Variants in TENM4 observed in about 807,000 individuals in gnomAD.
TENM4 encodes the protein teneurin-4.
A neutral mutation model predicts 243.3 loss-of-function variants in TENM4; 82 were observed. The ratio of observed to expected loss-of-function variants is 0.34; its 90% CI spans 0.28 to 0.40. The LOEUF (loss-of-function observed/expected upper bound fraction) is 0.40. TENM4 is among the 10% of genes least tolerant of loss of function. The probability of loss-of-function intolerance (pLI) is 1.00; values close to 1 mark genes in which losing one functional copy is unlikely to be tolerated. For missense variants in TENM4, 3,138 were observed against 3,673.3 expected (o/e 0.85, Z 3.77); for synonymous variants, 1,412 against 1,456.3 (o/e 0.97, Z 0.69).
intron 2 of TENM4, among the ~76,000 whole-genome samples, chr11:79,235,392 A>AGTGAGAG (rs2135269412): frequency 1.3e-5 from 2 of 152,240 alleles, no homozygotes; most frequent in East Asian, 3.9e-4. Context: ...TAGAGTACAA[A>AGTGAGAG]GTGAGAGATG....
intron 1 of TENM4, among the ~76,000 whole-genome samples, chr11:79,349,262 T>G (rs1857376913): frequency 6.6e-6 from 1 of 152,138 alleles, no homozygotes; most frequent in Non-Finnish European, 1.5e-5. Flanking sequence ...GTTCCACACC[T>G]AGGAAGTCTC....
chr11:79,135,750 C>CAT (rs1862097185), intron 4 of TENM4, among the ~76,000 whole-genome samples: 1 of 81,634 alleles, frequency 1.2e-5, no homozygotes, highest in Admixed American at 1.2e-4. Context: ...ATCATATATA[C>CAT]ATATATGTAT....
At chr11:78,996,437 A>G (rs2136683544) in intron 6 of TENM4, among the ~76,000 whole-genome samples, 1 of 152,362 alleles carries the variant, frequency 6.6e-6, no homozygotes, top group East Asian at 1.9e-4. Context: ...CAAGAGCTCC[A>G]GCCACCATGC....
chr11:79,284,611 G>A (rs554670641), intron 2 of TENM4, among the ~76,000 whole-genome samples: 1 of 152,086 alleles, frequency 6.6e-6, no homozygotes, highest in African/African-American at 2.4e-5. Flanking sequence ...GAGAAAACAG[G>A]AATAAATTCT....
At chr11:78,835,872 G>T (rs75108808) in intron 12 of TENM4, among the ~76,000 whole-genome samples, 4,664 of 152,272 alleles carry the variant, frequency 0.031, 191 homozygotes, top group African/African-American at 0.099. Context: ...GATCCACTAG[G>T]GCAGAGTCCC....
chr11:78,993,149 C>T (rs612300), intron 6 of TENM4, among the ~76,000 whole-genome samples: 144,447 of 152,204 alleles, frequency 0.95, 68,817 homozygotes, highest in Non-Finnish European at 1. Context: ...CATTAAAAAG[C>T]TCAAAATCTT....
At chr11:78,873,907 G>C (rs1367329086) in intron 9 of TENM4, among the ~76,000 whole-genome samples, 2 of 151,832 alleles carry the variant, frequency 1.3e-5, no homozygotes, top group East Asian at 3.9e-4. Context: ...CCCTCTGCTT[G>C]AACGGTCACC....
chr11:79,104,848 G>A (rs1861324713), intron 4 of TENM4, among the ~76,000 whole-genome samples: 1 of 152,214 alleles, frequency 6.6e-6, no homozygotes, highest in African/African-American at 2.4e-5. Flanking sequence ...GGGTTGAGAA[G>A]GAGATAGGAG....
At chr11:78,727,961 G>A (rs1282261220) in intron 22 of TENM4, among the ~76,000 whole-genome samples, 4 of 152,206 alleles carry the variant, frequency 2.6e-5, no homozygotes, top group Admixed American at 1.3e-4. Context: ...GCTGGAAGAC[G>A]TCCCTGTGAC....
At chr11:79,135,449 T>C (rs551731379) in intron 4 of TENM4, among the ~76,000 whole-genome samples, 1 of 152,226 alleles carries the variant, frequency 6.6e-6, no homozygotes, top group East Asian at 1.9e-4. Flanking sequence ...TGGAGATTCC[T>C]TAAAGAACTA....
At chr11:78,946,562 C>A (rs1481118219) in intron 6 of TENM4, among the ~76,000 whole-genome samples, 1 of 152,140 alleles carries the variant, frequency 6.6e-6, no homozygotes, top group Non-Finnish European at 1.5e-5. Flanking sequence ...ACTTTCAAAT[C>A]GTATTGTTTA....
intron 2 of TENM4, among the ~76,000 whole-genome samples, chr11:79,263,205 C>A (rs1443329525): frequency 1.3e-5 from 2 of 152,188 alleles, no homozygotes; most frequent in Non-Finnish European, 2.9e-5. Context: ...CAAAGCTGTC[C>A]ACAACTGTGG....
chr11:79,068,096 T>C (rs1481486605), intron 5 of TENM4: 2 of 152,256 alleles, frequency 1.3e-5, no homozygotes, highest in East Asian at 1.9e-4. Context: ...CACTGAGCTC[T>C]GTCACTTACG....
chr11:78,971,515 A>G (rs1333863572), intron 6 of TENM4, among the ~76,000 whole-genome samples: 1 of 152,036 alleles, frequency 6.6e-6, no homozygotes, highest in East Asian at 1.9e-4. Flanking sequence ...GTTGGCCAGG[A>G]TAGTCTCAAT....
rs1432029387 is a variant in TENM4, at chr11:78,771,252, A to G, written c.2393-114T>C. On this transcript the variant is annotated intron_variant, in intron 17 of 33. Coordinates refer to ENST00000278550, the MANE Select transcript of TENM4 (RefSeq NM_001098816.3). ...TGCCTTCATATCCATCAGCACACGA[A>G]TGCCCACAGCAGCCCAGGGAGGTAG... The G allele has an allele frequency of 3.0e-6, 4 of 1,313,682 alleles. No individual in the cohort carries two copies. The South Asian group carries it at 5.6e-5, about 18-fold the overall frequency. 81.4% of individuals were successfully genotyped at this position (1,313,682 alleles called of 1,614,324 possible).
At position 78,670,424 on chromosome 11, in the gene TENM4, T is replaced by C. The variant is rs1359279562; in HGVS notation, c.5921A>G (p.Tyr1974Cys). ...QTLETIRSVG[Y>C]YRNIYQPPEG... ...AGGGGGCTGATAGATGTTTCTGTAG[T>C]AGCCCACTGAGCGGATGGTCTCTAG... Residue 1974 changes from tyrosine (Y) to cysteine (C), a missense_variant, in exon 32 of 34, where the codon TAC becomes TGC. Physicochemically the swap from Tyr to Cys is radical, Grantham distance 194. Coordinates refer to ENST00000278550, the MANE Select transcript of TENM4 (RefSeq NM_001098816.3). 1 of 1,614,026 alleles carries C rather than the reference T, an allele frequency of 6.2e-7. No homozygotes were observed. Among genetic ancestry groups the C allele is most frequent in the South Asian group, 1.1e-5 (1 of 91,078 alleles).
intron 4 of TENM4, among the ~76,000 whole-genome samples, chr11:79,117,898 C>T (rs1861654749): frequency 6.6e-6 from 1 of 152,162 alleles, no homozygotes; most frequent in African/African-American, 2.4e-5. Flanking sequence ...TTCCCCCTTC[C>T]CTTCAGACAT....
intron 1 of TENM4, among the ~76,000 whole-genome samples, chr11:79,321,664 A>AG (rs199518954): frequency 0.057 from 7,423 of 129,568 alleles, 282 homozygotes; most frequent in South Asian, 0.083. Flanking sequence ...AAAAAAAAAA[A>AG]GGGAGAGAGA....
intron 27 of TENM4, among the ~76,000 whole-genome samples, chr11:78,704,463 T>C (rs912491064): frequency 1.3e-5 from 2 of 152,062 alleles, no homozygotes; most frequent in African/African-American, 2.4e-5. Flanking sequence ...AACTGAGAAC[T>C]GGCTAAATAA....
Sources: allele counts gnomAD v4.1 joint callset (sites outside exome capture counted in the v4.1 genomes callset), GRCh38; gene constraint gnomAD v4.1.1; transcripts MANE v1.5; gene names NCBI Gene and HGNC (gene_info 2026-07-23, HGNC 2026-07-21).